CSMD1: variants seen among roughly 807,000 people sequenced by gnomAD.
The protein encoded by CSMD1 is CUB and sushi domain-containing protein 1.
A neutral mutation model predicts 417.5 loss-of-function variants in CSMD1; 213 were observed. That is an observed-to-expected ratio of 0.51 (90% confidence interval 0.46 to 0.57). The LOEUF (loss-of-function observed/expected upper bound fraction) is 0.57, where lower values mean the gene tolerates loss of function less well. CSMD1 is among the 20% of genes least tolerant of loss of function. The pLI, the probability that CSMD1 is intolerant of heterozygous loss-of-function variation, is 0.00. For synonymous variants in CSMD1, 2,862 were observed against 1,736.8 expected (o/e 1.65, Z -16.11); for missense variants, 6,923 against 4,529.7 (o/e 1.53, Z -15.17).
chr8:4,679,059 C>T (rs1054805238), intron 1 of CSMD1, among the ~76,000 whole-genome samples: 4 of 152,174 alleles, frequency 2.6e-5, no homozygotes, highest in Admixed American at 6.6e-5. Flanking sequence ...CAGTGAGGTT[C>T]GTGACTCTAT....
chr8:4,748,468 G>T (rs1432652604), intron 1 of CSMD1, among the ~76,000 whole-genome samples: 2 of 152,164 alleles, frequency 1.3e-5, no homozygotes, highest in Non-Finnish European at 2.9e-5. Flanking sequence ...TGAAACTCTG[G>T]AAAGTGTGGC....
At chr8:3,471,659 CCTTTCCCT>C (rs1712496257) in intron 11 of CSMD1, among the ~76,000 whole-genome samples, 1 of 140,626 alleles carries the variant, frequency 7.1e-6, no homozygotes, top group South Asian at 2.6e-4. Context: ...CTCCTTCCTT[CCTTTCCCT>C]CCCTCCCTCC....
chr8:4,360,770 A>T (rs1213683239), intron 3 of CSMD1, among the ~76,000 whole-genome samples: 1 of 152,150 alleles, frequency 6.6e-6, no homozygotes, highest in Non-Finnish European at 1.5e-5. Context: ...CTGGGACTAC[A>T]GGTGTGAGCC....
chr8:3,387,697 C>T lies in CSMD1; in HGVS notation c.2594-15G>A, dbSNP rs765656476. 7.6e-6 allele frequency: 12 copies of T among 1,575,258 alleles called. No individual in the cohort carries two copies. Among genetic ancestry groups the T allele is most frequent in the African/African-American group, 1.3e-5 (1 of 74,206 alleles). On this transcript the variant is annotated splice_polypyrimidine_tract_variant and intron_variant, in intron 17 of 69. Coordinates refer to ENST00000635120, the MANE Select transcript of CSMD1 (RefSeq NM_033225.6). ...AAGCGTCACACCTGGATGCACAGAACGAATGCAGTCGATGAGGATCTTTCT... is the reference window on the plus strand; with the variant it reads ...AAGCGTCACACCTGGATGCACAGAATGAATGCAGTCGATGAGGATCTTTCT...
intron 18 of CSMD1, among the ~76,000 whole-genome samples, chr8:3,377,563 T>C (rs1224729233): frequency 2.0e-5 from 3 of 152,178 alleles, no homozygotes; most frequent in Non-Finnish European, 4.4e-5. Context: ...CTCTTTTTGG[T>C]CTATTCCCAC....
At chr8:3,013,429 T>G (rs596332) in intron 52 of CSMD1, among the ~76,000 whole-genome samples, 30,765 of 152,116 alleles carry the variant, frequency 0.2, 5,738 homozygotes, top group African/African-American at 0.5. Context: ...GAATGACTAC[T>G]TTACTTTTCT....
intron 8 of CSMD1, among the ~76,000 whole-genome samples, chr8:3,608,751 G>C (rs1801744830): frequency 1.6e-5 from 2 of 127,108 alleles, no homozygotes; most frequent in South Asian, 5.4e-4. Context: ...ACAACAGAGT[G>C]AGACTCTGTC....
chr8:3,227,595 CAA>C (rs1287866599), intron 27 of CSMD1, among the ~76,000 whole-genome samples: 1 of 151,912 alleles, frequency 6.6e-6, no homozygotes, highest in East Asian at 1.9e-4. Flanking sequence ...TAGATTCAAA[CAA>C]ATAGATACTA....
chr8:3,273,894 A>G (rs1230529596), intron 26 of CSMD1, among the ~76,000 whole-genome samples: 1 of 151,896 alleles, frequency 6.6e-6, no homozygotes, highest in African/African-American at 2.4e-5. Context: ...GGATTCGTTA[A>G]TTTTTTGAAG....
chr8:4,863,070 T>G (rs975286782), intron 1 of CSMD1, among the ~76,000 whole-genome samples: 4 of 152,040 alleles, frequency 2.6e-5, no homozygotes, highest in Admixed American at 2.0e-4. Flanking sequence ...GTGATTCTGG[T>G]GAACACTGTT....
At chr8:4,390,497 T>TTTTTTTTTTTATTTA (rs58291340) in intron 3 of CSMD1, among the ~76,000 whole-genome samples, 1 of 140,324 alleles carries the variant, frequency 7.1e-6, no homozygotes, top group Admixed American at 7.1e-5. Flanking sequence ...AAGCGTCCAT[T>TTTTTTTTTTTATTTA]TTTATTTATT....
At chr8:3,662,836 C>T (rs535855927) in intron 7 of CSMD1, among the ~76,000 whole-genome samples, 9 of 151,150 alleles carry the variant, frequency 6.0e-5, no homozygotes, top group Admixed American at 3.3e-4. Flanking sequence ...CAGGGCCTGT[C>T]GGTGGGTAGG....
chr8:4,795,639 G>C (rs1468352810), intron 1 of CSMD1, among the ~76,000 whole-genome samples: 1 of 151,814 alleles, frequency 6.6e-6, no homozygotes, highest in Non-Finnish European at 1.5e-5. Flanking sequence ...CCTCAGAAAG[G>C]AATTTCTAGG....
At chr8:4,117,115 C>G (rs895452920) in intron 3 of CSMD1, among the ~76,000 whole-genome samples, 1 of 151,368 alleles carries the variant, frequency 6.6e-6, no homozygotes, top group East Asian at 1.9e-4. Context: ...TTTGTTTTTT[C>G]TTGCTGCCAC....
At chr8:2,940,411 T>C (rs1249259518) in intron 69 of CSMD1, among the ~76,000 whole-genome samples, 1 of 152,150 alleles carries the variant, frequency 6.6e-6, no homozygotes, top group Non-Finnish European at 1.5e-5. Context: ...CCTCTTGGTC[T>C]TGGTGCAGTG....
intron 11 of CSMD1, among the ~76,000 whole-genome samples, chr8:3,491,892 C>T (rs1201382349): frequency 3.3e-5 from 5 of 152,182 alleles, no homozygotes; most frequent in African/African-American, 1.2e-4. Flanking sequence ...TAGAAAGAGA[C>T]AGAATGAGAG....
Position 4,451,504 on chromosome 8 carries a change from G to C in CSMD1, c.303-31439C>G, listed in dbSNP as rs147154780. Among the ~76,000 whole-genome samples, 10 of 152,218 alleles carry C rather than the reference G, an allele frequency of 6.6e-5. No homozygotes were observed. In the East Asian group the frequency reaches 1.3e-3, roughly 21 times the overall value. On this transcript the variant is annotated intron_variant, in intron 2 of 69. Coordinates refer to ENST00000635120, the MANE Select transcript of CSMD1 (RefSeq NM_033225.6). ...TTACCCATAGAGAAATATTAAACAA[G>C]TTTTCTTATCACAAAAATTCCAGAG...
intron 6 of CSMD1, among the ~76,000 whole-genome samples, chr8:3,726,690 G>A (rs953212718): frequency 1.3e-5 from 2 of 152,148 alleles, no homozygotes; most frequent in Admixed American, 1.3e-4. Flanking sequence ...TTTGTGAGTG[G>A]TACGAGGTGT....
At chr8:3,623,924 C>G (rs1336421358) in intron 7 of CSMD1, among the ~76,000 whole-genome samples, 2 of 152,000 alleles carry the variant, frequency 1.3e-5, no homozygotes, top group Admixed American at 1.3e-4. Flanking sequence ...TTGCAGTAAG[C>G]TGAGATTGCA....
Sources: gnomAD v4.1 joint callset for allele counts (sites outside exome capture counted in the v4.1 genomes callset) on GRCh38, gnomAD v4.1.1 for gene constraint, MANE v1.5 for transcripts, NCBI Gene and HGNC (gene_info 2026-07-23, HGNC 2026-07-21) for gene names.